TCF7L2: variants seen among roughly 807,000 people sequenced by gnomAD.
TCF7L2 encodes transcription factor 7-like 2.
In TCF7L2, 23 loss-of-function variants were observed where a neutral mutation model predicts 77.9. The ratio of observed to expected loss-of-function variants is 0.30; its 90% CI spans 0.21 to 0.42. The LOEUF (loss-of-function observed/expected upper bound fraction) is 0.42. TCF7L2 is among the 10% of genes least tolerant of loss of function. The probability of loss-of-function intolerance (pLI) is 1.00; values close to 1 mark genes in which losing one functional copy is unlikely to be tolerated. For synonymous variants in TCF7L2, 413 were observed against 340.2 expected, an observed-to-expected ratio of 1.21 and a Z score of -2.36; for missense variants, 654 against 793.1, an observed-to-expected ratio of 0.82 and a Z score of 2.11.
At chr10:112,964,717 G>A (rs1384375246) in intron 4 of TCF7L2, 93 bp downstream of exon 4, 96 of 722,188 alleles carry the variant, frequency 1.3e-4, no homozygotes, top group Non-Finnish European at 1.7e-4. Context: ...CTGAGATAAT[G>A]ATGATGATGA....
intron 4 of TCF7L2, among the ~76,000 whole-genome samples, chr10:113,022,061 A>T (rs915540543): frequency 6.6e-6 from 1 of 152,202 alleles, no homozygotes; most frequent in African/African-American, 2.4e-5. Context: ...AGGAAAAAAA[A>T]ATCAAGACAT....
intron 4 of TCF7L2, among the ~76,000 whole-genome samples, chr10:112,973,367 C>T (rs762293680): frequency 1.3e-5 from 2 of 152,108 alleles, no homozygotes; most frequent in Non-Finnish European, 2.9e-5. Flanking sequence ...AATATTCAGC[C>T]CAGGCCCTGC....
chr10:113,088,275 C>T (rs1370082846), intron 5 of TCF7L2, among the ~76,000 whole-genome samples: 1 of 152,070 alleles, frequency 6.6e-6, no homozygotes, highest in Non-Finnish European at 1.5e-5. Flanking sequence ...GCCAATGGGT[C>T]TCTACAGCAG....
chr10:112,982,607 C>A (rs891121941), intron 4 of TCF7L2, among the ~76,000 whole-genome samples: 7 of 152,116 alleles, frequency 4.6e-5, no homozygotes, highest in African/African-American at 1.7e-4. Flanking sequence ...TAAGAGTAGT[C>A]CAGAATACCC....
intron 3 of TCF7L2, among the ~76,000 whole-genome samples, chr10:112,953,892 G>C (rs2032754793): frequency 6.6e-6 from 1 of 152,202 alleles, no homozygotes; most frequent in Non-Finnish European, 1.5e-5. Context: ...TCAGTAGGCA[G>C]TTTTAGTACT....
intron 4 of TCF7L2, among the ~76,000 whole-genome samples, chr10:112,989,983 G>A (rs1180105108): frequency 6.6e-6 from 1 of 152,162 alleles, no homozygotes; most frequent in African/African-American, 2.4e-5. Context: ...GCGCTTCTGC[G>A]AATGTGTTGG....
intron 4 of TCF7L2, among the ~76,000 whole-genome samples, chr10:112,987,121 G>C (rs1034870538): frequency 1.3e-5 from 2 of 152,168 alleles, no homozygotes; most frequent in African/African-American, 4.8e-5. Flanking sequence ...TACTTACCGA[G>C]CATCTTCTGG....
At chr10:113,153,396 T>A (rs140686861) in intron 11 of TCF7L2, among the ~76,000 whole-genome samples, 81 of 152,366 alleles carry the variant, frequency 5.3e-4, no homozygotes, top group Non-Finnish European at 9.3e-4. Flanking sequence ...CCAAAACTTG[T>A]CTTAAGGCCG....
chr10:112,954,084 A>G (rs546703565), intron 3 of TCF7L2, among the ~76,000 whole-genome samples: 4 of 152,230 alleles, frequency 2.6e-5, no homozygotes, highest in Non-Finnish European at 5.9e-5. Context: ...TCAGAAGGCC[A>G]GCTTGCAATC....
intron 4 of TCF7L2, among the ~76,000 whole-genome samples, chr10:112,984,901 TAAG>T (rs965866306): frequency 6.6e-6 from 1 of 152,200 alleles, no homozygotes; most frequent in African/African-American, 2.4e-5. Flanking sequence ...TTTGTTGTGA[TAAG>T]GAGGCGTTCT....
chr10:113,063,075 T>C (rs980003331), intron 5 of TCF7L2, among the ~76,000 whole-genome samples: 2 of 152,214 alleles, frequency 1.3e-5, no homozygotes, highest in African/African-American at 4.8e-5. Flanking sequence ...CTACTTTTAC[T>C]GGAGTGCTTG....
At chr10:113,090,878 G>A (rs560608803) in intron 5 of TCF7L2, among the ~76,000 whole-genome samples, 1 of 152,290 alleles carries the variant, frequency 6.6e-6, no homozygotes, top group South Asian at 2.1e-4. Context: ...AAACTGCTGG[G>A]ATTACAGGCA....
chr10:113,032,272 A>G (rs906554767), intron 4 of TCF7L2, among the ~76,000 whole-genome samples: 2 of 152,356 alleles, frequency 1.3e-5, no homozygotes, highest in Non-Finnish European at 2.9e-5. Flanking sequence ...TCCCTGCAGA[A>G]CCACTAACCT....
chr10:113,000,734 A>G (rs558707487), intron 4 of TCF7L2, among the ~76,000 whole-genome samples: 1 of 152,286 alleles, frequency 6.6e-6, no homozygotes, highest in East Asian at 1.9e-4. Context: ...TTCTGTGAGA[A>G]GGCTCTGGGT....
At chr10:113,058,232 T>C (rs1319106329) in intron 5 of TCF7L2, among the ~76,000 whole-genome samples, 1 of 152,188 alleles carries the variant, frequency 6.6e-6, no homozygotes, top group Non-Finnish European at 1.5e-5. Context: ...AATGGCTTGT[T>C]ACATTCAAAT....
chr10:113,006,801 C>A (rs2045629313), intron 4 of TCF7L2, among the ~76,000 whole-genome samples: 1 of 152,218 alleles, frequency 6.6e-6, no homozygotes, highest in Non-Finnish European at 1.5e-5. Flanking sequence ...TGGGGCAAAG[C>A]CCAGGACAGG....
intron 4 of TCF7L2, among the ~76,000 whole-genome samples, chr10:113,038,254 G>GA (rs1471073741): frequency 2.0e-5 from 3 of 152,042 alleles, no homozygotes; most frequent in African/African-American, 4.8e-5. Context: ...GTACACAGAT[G>GA]AAAAAAACAG....
intron 4 of TCF7L2, among the ~76,000 whole-genome samples, chr10:112,985,841 T>G (rs959145608): frequency 2.0e-5 from 3 of 148,946 alleles, no homozygotes; most frequent in East Asian, 3.9e-4. Context: ...AGAGTTTAGC[T>G]TGGAAAGAAG....
chr10:113,064,740 C>T (rs1342574521), intron 5 of TCF7L2, among the ~76,000 whole-genome samples: 5 of 152,200 alleles, frequency 3.3e-5, no homozygotes, highest in African/African-American at 1.2e-4. Flanking sequence ...ACGGATGCTT[C>T]AGCCGGGTTT....
Sources: allele counts gnomAD v4.1 joint callset (sites outside exome capture counted in the v4.1 genomes callset), GRCh38; gene constraint gnomAD v4.1.1; transcripts MANE v1.5; gene names NCBI Gene and HGNC (gene_info 2026-07-23, HGNC 2026-07-21).